ICA1: variants seen among roughly 807,000 people sequenced by gnomAD.
The protein encoded by ICA1 is 69 kDa islet cell autoantigen.
A neutral mutation model predicts 71.0 loss-of-function variants in ICA1; 40 were observed. The ratio of observed to expected loss-of-function variants is 0.56; its 90% CI spans 0.44 to 0.73. The LOEUF (loss-of-function observed/expected upper bound fraction) is 0.73, where lower values mean the gene tolerates loss of function less well. Among genes scored for constraint, ICA1 ranks in the 30% least tolerant of loss-of-function variants. ICA1 has a pLI of 0.00. For missense variants in ICA1, 578 were observed against 576.5 expected (o/e 1.00, Z -0.03); for synonymous variants, 207 against 209.5 (o/e 0.99, Z 0.10).
intron 5 of ICA1, among the ~76,000 whole-genome samples, chr7:8,220,701 C>T (rs754338363): frequency 1.1e-4 from 16 of 152,100 alleles, no homozygotes; most frequent in Non-Finnish European, 2.2e-4. Context: ...ACCAGAGCTT[C>T]GCAAACTTGA....
intron 6 of ICA1, among the ~76,000 whole-genome samples, chr7:8,164,953 T>A (rs1205092664): frequency 1.3e-5 from 2 of 152,176 alleles, no homozygotes; most frequent in Admixed American, 6.5e-5. Context: ...GGCACCTGCC[T>A]GTAGTCCTAG....
At chr7:8,175,758 A>G (rs187760167) in intron 6 of ICA1, among the ~76,000 whole-genome samples, 2 of 152,374 alleles carry the variant, frequency 1.3e-5, no homozygotes, top group African/African-American at 2.4e-5. Flanking sequence ...AAAACAGAGC[A>G]CACCAATGCC....
At chr7:8,255,976 T>A (rs949981633) in intron 1 of ICA1, among the ~76,000 whole-genome samples, 23 of 151,538 alleles carry the variant, frequency 1.5e-4, no homozygotes, top group Admixed American at 1.4e-3. Flanking sequence ...GTTCTCACTA[T>A]GTTGCCCAGG....
intron 1 of ICA1, among the ~76,000 whole-genome samples, chr7:8,251,145 C>T (rs775954030): frequency 1.2e-4 from 19 of 152,074 alleles, no homozygotes; most frequent in Non-Finnish European, 2.4e-4. Flanking sequence ...GCTTTGGACT[C>T]CCCAAGTGCC....
At chr7:8,196,853 G>A (rs1197438558) in intron 6 of ICA1, among the ~76,000 whole-genome samples, 4 of 152,042 alleles carry the variant, frequency 2.6e-5, no homozygotes, top group African/African-American at 9.7e-5. Flanking sequence ...TTTTCTTGTG[G>A]TAGTGAATAT....
At chr7:8,261,840 C>T (rs1202183865) in intron 1 of ICA1, among the ~76,000 whole-genome samples, 2 of 152,174 alleles carry the variant, frequency 1.3e-5, no homozygotes, top group East Asian at 1.9e-4. Flanking sequence ...CCGGGGCTGA[C>T]GCACGCTCTC....
chr7:8,212,615 G>A (rs926858245), intron 6 of ICA1, among the ~76,000 whole-genome samples: 6 of 152,154 alleles, frequency 3.9e-5, no homozygotes, highest in African/African-American at 1.4e-4. Context: ...CTGGAAGAGG[G>A]CTCAGCAATC....
Position 8,210,257 on chromosome 7 carries a change from C to T in ICA1, c.579+8048G>A, listed in dbSNP as rs188978989. Among the ~76,000 whole-genome samples the T allele has an allele frequency of 1.9e-3, 293 of 152,260 alleles. 2 individuals are homozygous for T. The highest frequency in any genetic ancestry group is 6.7e-3 in the African/African-American group (278 of 41,538). ...AGAATTATTAGAAACAAGAGGCCTC[C>T]TGCATGTGGAGACTGAATAATGGTA... On this transcript the variant is annotated intron_variant, in intron 6 of 13. Coordinates refer to ENST00000402384, the MANE Select transcript of ICA1 (RefSeq NM_001136020.3).
intron 9 of ICA1, among the ~76,000 whole-genome samples, chr7:8,142,930 T>C (rs941498031): frequency 6.6e-6 from 1 of 152,236 alleles, no homozygotes; most frequent in African/African-American, 2.4e-5. Context: ...CTAGTACATA[T>C]ACTCTTTAAA....
In ICA1 at chr7:8,224,223, C is replaced by T. The variant is rs375913266; in HGVS notation, c.257-2825G>A. Reference sequence around the variant, plus strand: ...GGGAAGGCATCTCTGAGCAGCTGACCATTAGGCTGAGTTCTGAATGACGAT... The same window carrying T: ...GGGAAGGCATCTCTGAGCAGCTGACTATTAGGCTGAGTTCTGAATGACGAT... On this transcript the variant is annotated intron_variant, in intron 4 of 13. Coordinates refer to ENST00000402384, the MANE Select transcript of ICA1 (RefSeq NM_001136020.3). Among the ~76,000 whole-genome samples the T allele has an allele frequency of 5.9e-5, 9 of 152,208 alleles. No homozygotes were observed. In the East Asian group the frequency reaches 1.2e-3, roughly 20 times the overall value.
At chr7:8,134,749 T>G (rs1792761390) in intron 12 of ICA1, among the ~76,000 whole-genome samples, 2 of 152,180 alleles carry the variant, frequency 1.3e-5, no homozygotes, top group African/African-American at 4.8e-5. Context: ...TCAAGAACAC[T>G]GCTTCTAAGA....
At chr7:8,142,636 C>T (rs1178314762) in intron 9 of ICA1, among the ~76,000 whole-genome samples, 1 of 152,244 alleles carries the variant, frequency 6.6e-6, no homozygotes, top group Non-Finnish European at 1.5e-5. Flanking sequence ...TGGGCAGCCC[C>T]TTAACCTTCC....
intron 8 of ICA1, among the ~76,000 whole-genome samples, chr7:8,146,468 CATT>C (rs1437286164): frequency 2.0e-5 from 3 of 152,128 alleles, no homozygotes; most frequent in Non-Finnish European, 4.4e-5. Flanking sequence ...ATGGGGAGAA[CATT>C]CCCGTACCCA....
At chr7:8,247,287 CA>C (rs1806392330) in intron 1 of ICA1, among the ~76,000 whole-genome samples, 1 of 151,760 alleles carries the variant, frequency 6.6e-6, no homozygotes, top group Non-Finnish European at 1.5e-5. Context: ...TCTGTCTCTA[CA>C]AAAAAATAAT....
intron 6 of ICA1, among the ~76,000 whole-genome samples, chr7:8,169,916 G>GTGTGTGTA (rs1807659162): frequency 6.6e-6 from 1 of 151,670 alleles, no homozygotes; most frequent in South Asian, 2.1e-4. Context: ...GTGTGTGTGT[G>GTGTGTGTA]TGTGTGTGTG....
intron 13 of ICA1, among the ~76,000 whole-genome samples, chr7:8,125,046 C>G (rs1467794921): frequency 6.6e-6 from 1 of 152,160 alleles, no homozygotes; most frequent in Non-Finnish European, 1.5e-5. Flanking sequence ...ACCTCCGCCT[C>G]CTAAAGTGCT....
At chr7:8,186,869 T>C (rs1784078711) in intron 6 of ICA1, among the ~76,000 whole-genome samples, 1 of 152,202 alleles carries the variant, frequency 6.6e-6, no homozygotes, top group African/African-American at 2.4e-5. Context: ...TTGTCTCCAT[T>C]TCTCAAAAGA....
At chr7:8,205,786 G>A (rs1309718394) in intron 6 of ICA1, among the ~76,000 whole-genome samples, 1 of 152,216 alleles carries the variant, frequency 6.6e-6, no homozygotes, top group African/African-American at 2.4e-5. Context: ...GAGAGAGACT[G>A]TAGGGAAAGA....
intron 6 of ICA1, among the ~76,000 whole-genome samples, chr7:8,171,371 A>G (rs796113630): frequency 1.4e-4 from 22 of 152,048 alleles, no homozygotes; most frequent in African/African-American, 5.3e-4. Context: ...GAATTTTGGT[A>G]GCTTGTCTTT....
Sources: allele counts gnomAD v4.1 joint callset (sites outside exome capture counted in the v4.1 genomes callset), GRCh38; gene constraint gnomAD v4.1.1; transcripts MANE v1.5; gene names NCBI Gene and HGNC (gene_info 2026-07-23, HGNC 2026-07-21).